Variants in NRXN1 observed in about 807,000 individuals in gnomAD.
NRXN1 encodes the protein neurexin-1.
NRXN1 carries 39 observed loss-of-function variants against 150.9 expected under a neutral mutation model. The ratio of observed to expected loss-of-function variants is 0.26; its 90% CI spans 0.20 to 0.34. The LOEUF (loss-of-function observed/expected upper bound fraction) is 0.34. Ranked by LOEUF, NRXN1 falls within the 10% of genes least tolerant of loss-of-function variation. NRXN1 has a pLI of 1.00. For missense variants in NRXN1, 1,815 were observed against 1,949.9 expected, an observed-to-expected ratio of 0.93 and a Z score of 1.30; for synonymous variants, 924 against 757.0, an observed-to-expected ratio of 1.22 and a Z score of -3.62.
chr2:50,240,930 T>C (rs1414180174), intron 17 of NRXN1, among the ~76,000 whole-genome samples: 5 of 151,744 alleles, frequency 3.3e-5, no homozygotes, highest in Admixed American at 1.3e-4. Context: ...TAACATTGTT[T>C]TATTTTAATA....
At chr2:50,052,269 G>A (rs1692833001) in intron 21 of NRXN1, among the ~76,000 whole-genome samples, 1 of 152,024 alleles carries the variant, frequency 6.6e-6, no homozygotes, top group Admixed American at 6.6e-5. Context: ...AGTAGGGATC[G>A]TGTATTTGGA....
chr2:50,974,039 A>G (rs550440544), intron 2 of NRXN1, among the ~76,000 whole-genome samples: 1 of 152,270 alleles, frequency 6.6e-6, no homozygotes, highest in Non-Finnish European at 1.5e-5. Context: ...TTTGCACATT[A>G]CAGAGCAGCC....
chr2:50,420,960 AC>A (rs2083937173), intron 17 of NRXN1, among the ~76,000 whole-genome samples: 7 of 133,538 alleles, frequency 5.2e-5, no homozygotes, highest in Middle Eastern at 3.7e-3. Context: ...GTCAAAATAG[AC>A]CTGTGTGTGT....
At chr2:50,142,228 TCA>T (rs1321613696) in intron 18 of NRXN1, among the ~76,000 whole-genome samples, 1 of 151,978 alleles carries the variant, frequency 6.6e-6, no homozygotes, top group East Asian at 1.9e-4. Context: ...TCACATGTTC[TCA>T]CACATATGTG....
At chr2:50,535,691 T>A (rs1488638051) in intron 10 of NRXN1, among the ~76,000 whole-genome samples, 1 of 152,190 alleles carries the variant, frequency 6.6e-6, no homozygotes, top group Non-Finnish European at 1.5e-5. Flanking sequence ...CTCCTTCTTA[T>A]AGGATCAATA....
chr2:50,451,451 A>G (rs1364569405), intron 17 of NRXN1, among the ~76,000 whole-genome samples: 1 of 152,210 alleles, frequency 6.6e-6, no homozygotes, highest in African/African-American at 2.4e-5. Flanking sequence ...TAGCTCTTCT[A>G]AAGCTTCATT....
At chr2:50,169,344 G>A (rs767642286) in intron 18 of NRXN1, among the ~76,000 whole-genome samples, 1 of 152,046 alleles carries the variant, frequency 6.6e-6, no homozygotes, top group Non-Finnish European at 1.5e-5. Context: ...TTGCCCCAGT[G>A]GAAAAAGATA....
Position 50,922,696 on chromosome 2 carries a change from G to T in NRXN1, c.791-9C>A, listed in dbSNP as rs763425863. ...CATCAGGTGCGCCAGACCTTGAAGG[G>T]AAACAAGAGCACAGTCAGCAATAAA... On this transcript the variant is annotated splice_polypyrimidine_tract_variant and intron_variant, in intron 3 of 22. Transcript: ENST00000401669. 1 of 1,610,196 alleles carries T rather than the reference G, an allele frequency of 6.2e-7. No homozygotes were observed. The highest frequency in any genetic ancestry group is 1.1e-5 in the South Asian group (1 of 90,548).
chr2:50,708,146 T>C (rs1371065632), intron 5 of NRXN1, among the ~76,000 whole-genome samples: 3 of 152,156 alleles, frequency 2.0e-5, no homozygotes, highest in Non-Finnish European at 4.4e-5. Context: ...AGAACTGATA[T>C]AAATGAATCT....
chr2:50,321,465 C>T (rs1419865005), intron 17 of NRXN1, among the ~76,000 whole-genome samples: 1 of 152,104 alleles, frequency 6.6e-6, no homozygotes, highest in Non-Finnish European at 1.5e-5. Flanking sequence ...TCCTATGGAC[C>T]AGTAACATAA....
intron 12 of NRXN1, among the ~76,000 whole-genome samples, chr2:50,516,018 A>G (rs547735669): frequency 6.6e-6 from 1 of 152,306 alleles, no homozygotes; most frequent in African/African-American, 2.4e-5. Flanking sequence ...ACTCCTCATT[A>G]CAGGTTTCTA....
Position 50,347,715 on chromosome 2 carries a change from T to A in NRXN1, c.3365-110745A>T. ...TGAGAAGAAGATGCAGACGAAGGAG[T>A]AAGGGAGAGAAACAGAAAAAGAAAA... On this transcript the variant is annotated intron_variant, in intron 17 of 22. Coordinates refer to ENST00000401669, the MANE Select transcript of NRXN1 (RefSeq NM_001330078.2). This position sits in a 1 kb window ranked among gnomAD's most constrained non-coding sequence, Gnocchi z 4.9. 2.0e-6 allele frequency: 2 copies of A among 984,590 alleles called. No individual in the cohort carries two copies. Among genetic ancestry groups the A allele is most frequent in the Non-Finnish European group, 2.4e-6 (2 of 830,320 alleles). The allele number at this position is 984,590 out of a possible 1,614,324, so 61.0% of individuals were successfully genotyped here. A position where few individuals can be genotyped will look rare whatever the true frequency, so the allele number is the denominator to read the frequency against.
intron 17 of NRXN1, among the ~76,000 whole-genome samples, chr2:50,374,773 T>G (rs1439811532): frequency 6.6e-6 from 1 of 152,220 alleles, no homozygotes; most frequent in African/African-American, 2.4e-5. Flanking sequence ...TATTTTAAAG[T>G]TATATTTTCA....
intron 18 of NRXN1, among the ~76,000 whole-genome samples, chr2:50,193,634 T>C (rs909350097): frequency 2.6e-5 from 4 of 152,156 alleles, no homozygotes; most frequent in Admixed American, 2.6e-4. Flanking sequence ...AATATCTAAT[T>C]TTCTTTTGAA....
intron 5 of NRXN1, among the ~76,000 whole-genome samples, chr2:50,888,309 A>C (rs1252332516): frequency 1.3e-5 from 2 of 151,658 alleles, no homozygotes; most frequent in Non-Finnish European, 3.0e-5. Context: ...AGGGAAAGAA[A>C]GTCCATGAGA....
In NRXN1 at chr2:50,964,801, C is replaced by A. The variant is rs910888391; in HGVS notation, c.773-38846G>T. Among the ~76,000 whole-genome samples, 4 of 151,314 alleles carry A rather than the reference C, an allele frequency of 2.6e-5. No homozygotes were observed. The Admixed American group carries it at 2.6e-4, about 10-fold the overall frequency. ...TAAATAACCAGGTATTAAATATAGT[C>A]CGATTCCAACTTCCATTAAGTCATT... On this transcript the variant is annotated intron_variant, in intron 2 of 22. Coordinates refer to ENST00000401669, the MANE Select transcript of NRXN1 (RefSeq NM_001330078.2).
intron 5 of NRXN1, among the ~76,000 whole-genome samples, chr2:50,668,012 T>C (rs2104701723): frequency 6.6e-6 from 1 of 152,122 alleles, no homozygotes; most frequent in African/African-American, 2.4e-5. Context: ...TCAATGATGG[T>C]TTCTCTTGGG....
At chr2:50,190,376 T>G (rs2061367075) in intron 18 of NRXN1, among the ~76,000 whole-genome samples, 1 of 152,150 alleles carries the variant, frequency 6.6e-6, no homozygotes, top group Non-Finnish European at 1.5e-5. Context: ...AGTTTATTCT[T>G]GGGTGTGTTC....
intron 18 of NRXN1, among the ~76,000 whole-genome samples, chr2:50,139,364 C>T (rs972982324): frequency 1.4e-5 from 2 of 148,008 alleles, no homozygotes; most frequent in Non-Finnish European, 3.0e-5. Flanking sequence ...CATGGGCCAT[C>T]ATGTGAACCT....
Sources: allele counts gnomAD v4.1 joint callset (sites outside exome capture counted in the v4.1 genomes callset), GRCh38; gene constraint gnomAD v4.1.1; non-coding constraint Gnocchi (gnomAD v3.1); transcripts MANE v1.5; gene names NCBI Gene and HGNC (gene_info 2026-07-23, HGNC 2026-07-21).